VNN2: variants seen among roughly 807,000 people sequenced by gnomAD.
The protein encoded by VNN2 is vanin 2.
VNN2 carries 43 observed loss-of-function variants against 43.0 expected under a neutral mutation model. That is an observed-to-expected ratio of 1.00 (90% CI 0.78 to 1.29). The LOEUF (loss-of-function observed/expected upper bound fraction) is 1.29. Among genes scored for constraint, VNN2 ranks in the 50% most tolerant of loss-of-function variants. The probability of loss-of-function intolerance (pLI) is 0.00; values close to 1 mark genes in which losing one functional copy is unlikely to be tolerated. For missense variants in VNN2, 652 were observed against 619.7 expected (o/e 1.05, Z -0.55); for synonymous variants, 230 against 224.3 (o/e 1.03, Z -0.23).
chr6:132,745,839 C>T (rs1779683895), intron 6 of VNN2, among the ~76,000 whole-genome samples: 1 of 151,796 alleles, frequency 6.6e-6, no homozygotes, highest in African/African-American at 2.4e-5. Context: ...ATAAACAGAA[C>T]AAGAATAAAA....
chr6:132,751,611 G>A (rs879234128), intron 4 of VNN2, 93 bp from the exon 5 acceptor site: 4 of 1,448,418 alleles, frequency 2.8e-6, no homozygotes, highest in South Asian at 1.4e-5. Context: ...ATGTGATCAC[G>A]CCACCATATT....
In VNN2 at chr6:132,757,777, A is replaced by T; in HGVS notation, c.107T>A (p.Ile36Asn). The change falls in exon 1 of 7, where the codon ATT becomes AAT. Residue 36 changes from isoleucine to asparagine, a missense_variant. Transcript: ENST00000326499. Reference sequence around the variant, plus strand: ...TGGTGTTTCTGTTTTATTTGGCAAAATGACAGCATGTTCATACACTGCAGC... The same window carrying T: ...TGGTGTTTCTGTTTTATTTGGCAAATTGACAGCATGTTCATACACTGCAGC... ...FIAAVYEHAVILPNKTETPVS... is the reference protein window; with the variant it reads ...FIAAVYEHAVNLPNKTETPVS... The T allele has an allele frequency of 1.9e-6, 3 of 1,614,166 alleles. No homozygotes were observed. The highest frequency in any genetic ancestry group is 2.2e-5 in the South Asian group (2 of 91,086).
chr6:132,756,723 G>A (rs1780501108), intron 2 of VNN2, among the ~76,000 whole-genome samples: 1 of 152,136 alleles, frequency 6.6e-6, no homozygotes, highest in South Asian at 2.1e-4. Flanking sequence ...TAGTGCTCAA[G>A]CCTTATACCT....
intron 1 of VNN2, 34 bp downstream of exon 1, chr6:132,757,637 G>A (rs762286561): frequency 6.8e-6 from 11 of 1,610,492 alleles, no homozygotes; most frequent in African/African-American, 2.7e-5. Flanking sequence ...CATGCCCCTC[G>A]TGTACATTAT....
At chr6:132,762,986 C>T (rs896147292) in intron 1 of VNN2, among the ~76,000 whole-genome samples, 1 of 152,152 alleles carries the variant, frequency 6.6e-6, no homozygotes, top group African/African-American at 2.4e-5. Flanking sequence ...TCTCATAGGT[C>T]CACCCACTAT....
chr6:132,757,454 G>T lies in VNN2; in HGVS notation c.306C>A (p.Asp102Glu), dbSNP rs981481771. The change falls in exon 2 of 7, where the codon GAC becomes GAA. Residue 102 changes from aspartate to glutamate, a missense_variant. By Grantham distance (45) the Asp-to-Glu change is conservative. Coordinates refer to ENST00000326499, the MANE Select transcript of VNN2 (RefSeq NM_004665.6). ...TVFPYLEDIP[D>E]PQVNWIPCQD... ...GACACGGAATCCAGTTCACCTGAGG[G>T]TCTGGGATATCCTCCAGATAAGGGA... is the stretch of plus-strand genomic sequence containing the variant. 1 of 1,613,938 alleles carries T rather than the reference G, an allele frequency of 6.2e-7. No homozygotes were observed. The highest frequency in any genetic ancestry group is 8.5e-7 in the Non-Finnish European group (1 of 1,179,944).
intron 2 of VNN2, 141 bp downstream of exon 2, chr6:132,757,275 T>A (rs1562252364): frequency 1.8e-6 from 2 of 1,089,584 alleles, no homozygotes; most frequent in East Asian, 2.8e-5. Flanking sequence ...TACAATTTTT[T>A]AAAATCTGAC....
chr6:132,763,160 T>C (rs560612661), intron 1 of VNN2, among the ~76,000 whole-genome samples: 1 of 152,064 alleles, frequency 6.6e-6, no homozygotes, highest in East Asian at 1.9e-4. Context: ...CGTTGATTTA[T>C]GTAGGCAGTT....
In VNN2 at chr6:132,749,725, G is replaced by A. The variant is rs745656877; in HGVS notation, c.1341C>T (p.Thr447=). ...TEYVFPEVLL[T]EIHLSPGKFE... ...ATTTTCCAGGTGACAGATGAATTTC[G>A]GTAAGTAGCACTTCAGGAAAAACAT... The change falls in exon 6 of 7, where the codon ACC becomes ACT. Residue 447 remains threonine (T), a synonymous_variant. Coordinates refer to ENST00000326499, the MANE Select transcript of VNN2 (RefSeq NM_004665.6). 44 of 1,612,668 alleles carry A rather than the reference G, an allele frequency of 2.7e-5. No individual in the cohort carries two copies. Among genetic ancestry groups the A allele is most frequent in the Admixed American group, 2.3e-4 (14 of 59,638 alleles).
At chr6:132,756,681 G>A (rs144930248) in intron 2 of VNN2, among the ~76,000 whole-genome samples, 242 of 152,132 alleles carry the variant, frequency 1.6e-3, no homozygotes, top group African/African-American at 5.2e-3. Context: ...CTGATTCCTC[G>A]TTTTCTTCCG....
At chr6:132,750,005 T>C in intron 5 of VNN2, 140 bp from the exon 6 acceptor site, 1 of 762,080 alleles carries the variant, frequency 1.3e-6, no homozygotes, top group Non-Finnish European at 1.9e-6. Context: ...GTCTTATAAT[T>C]AACTGCTTTA....
At chr6:132,753,291 C>T (rs1476664019) in intron 3 of VNN2, 1 of 274,982 alleles carries the variant, frequency 3.6e-6, no homozygotes, top group African/African-American at 2.2e-5. Flanking sequence ...TCCCAAAGTG[C>T]TGGGATTACA....
intron 6 of VNN2, among the ~76,000 whole-genome samples, chr6:132,748,838 G>A (rs1159370620): frequency 1.3e-5 from 2 of 152,188 alleles, no homozygotes; most frequent in Non-Finnish European, 2.9e-5. Flanking sequence ...GGCTGAGGCA[G>A]GAGGATTGCT....
upstream of VNN2, among the ~76,000 whole-genome samples, chr6:132,759,527 C>T (rs1297643722): frequency 6.6e-6 from 1 of 151,520 alleles, no homozygotes; most frequent in Non-Finnish European, 1.5e-5. Context: ...ATTCTCCCTT[C>T]CCCAGGCCCA....
intron 6 of VNN2, among the ~76,000 whole-genome samples, chr6:132,746,859 C>T (rs932663921): frequency 3.9e-5 from 6 of 152,144 alleles, no homozygotes; most frequent in African/African-American, 1.4e-4. Flanking sequence ...TGATTAGTAT[C>T]TGTTCCTTAG....
chr6:132,761,117 A>G (rs536990875), upstream of VNN2, among the ~76,000 whole-genome samples: 1 of 152,326 alleles, frequency 6.6e-6, no homozygotes, highest in Non-Finnish European at 1.5e-5. Context: ...CAAATTCAGG[A>G]CATACAGTTT....
upstream of VNN2, among the ~76,000 whole-genome samples, chr6:132,758,829 G>A (rs1780650373): frequency 6.6e-6 from 1 of 152,162 alleles, no homozygotes; most frequent in South Asian, 2.1e-4. Flanking sequence ...TATAGTTAGT[G>A]CCTACAGCAA....
At chr6:132,747,836 C>G (rs935005320) in intron 6 of VNN2, among the ~76,000 whole-genome samples, 1 of 152,166 alleles carries the variant, frequency 6.6e-6, no homozygotes, top group African/African-American at 2.4e-5. Flanking sequence ...CTATCACCAT[C>G]CACCTTCAAA....
intron 6 of VNN2, among the ~76,000 whole-genome samples, chr6:132,748,353 C>A (rs9321365): frequency 6.6e-6 from 1 of 152,050 alleles, no homozygotes; most frequent in African/African-American, 2.4e-5. Context: ...GGCAGCAAAG[C>A]ATTCCTGATC....
Sources: allele counts gnomAD v4.1 joint callset (sites outside exome capture counted in the v4.1 genomes callset), GRCh38; gene constraint gnomAD v4.1.1; transcripts MANE v1.5; gene names NCBI Gene and HGNC (gene_info 2026-07-23, HGNC 2026-07-21).